NRBP1: variants seen among roughly 807,000 people sequenced by gnomAD.
The protein encoded by NRBP1 is nuclear receptor binding protein 1.
A neutral mutation model predicts 76.0 loss-of-function variants in NRBP1; 10 were observed. The ratio of observed to expected loss-of-function variants is 0.13; its 90% confidence interval spans 0.08 to 0.22. The LOEUF (loss-of-function observed/expected upper bound fraction) is 0.22, where lower values mean the gene tolerates loss of function less well. NRBP1 is among the 10% of genes least tolerant of loss of function. NRBP1 has a pLI of 1.00. For synonymous variants in NRBP1, 235 were observed against 240.2 expected (o/e 0.98, Z 0.20); for missense variants, 344 against 646.0 (o/e 0.53, Z 5.07).
chr2:27,441,431 C>A, intron 16 of NRBP1, 101 bp downstream of exon 16: 1 of 1,416,714 alleles, frequency 7.1e-7, no homozygotes. Context: ...AACACATTGA[C>A]TCACATAGAA....
chr2:27,441,198 G>T lies in NRBP1; in HGVS notation c.1383+18G>T. 6.2e-7 allele frequency: 1 copy of T among 1,614,068 alleles called. No individual in the cohort carries two copies. The highest frequency in any genetic ancestry group is 1.7e-4 in the Middle Eastern group (1 of 6,060). Reference sequence around the variant, plus strand: ...AACACCACGTAAGGCTCAGGGCTAGGGTTGCGCAGGGCTAGTAGCCAGAGG... The same window carrying T: ...AACACCACGTAAGGCTCAGGGCTAGTGTTGCGCAGGGCTAGTAGCCAGAGG... On this transcript the variant is annotated intron_variant, in intron 15 of 17. Transcript: ENST00000379852.
intron 8 of NRBP1, 35 bp from the exon 9 acceptor site, chr2:27,437,012 C>T (rs1664333313): frequency 1.3e-6 from 2 of 1,599,572 alleles, no homozygotes; most frequent in African/African-American, 1.3e-5. Context: ...GCCCCCAATC[C>T]TCTGATTAAC....
At chr2:27,435,669 C>A (rs1664276537) in intron 7 of NRBP1, 1 of 717,604 alleles carries the variant, frequency 1.4e-6, no homozygotes. Flanking sequence ...CCATCGCTCA[C>A]AACTTTTCTC....
chr2:27,434,407 A>C, intron 4 of NRBP1, 64 bp from the exon 5 acceptor site: 3 of 1,133,274 alleles, frequency 2.6e-6, no homozygotes, highest in South Asian at 1.3e-5. Context: ...AATTTAAAAT[A>C]TGTTAACAAG....
Position 27,433,917 on chromosome 2 carries a change from A to T in NRBP1, c.334-72A>T, listed in dbSNP as rs951995078. Reference sequence around the variant, plus strand: ...GGGGTTAGATCGTTTCTGGGGAGGGATAGGGAATGGCTTCTCAGGATTATT... The same window carrying T: ...GGGGTTAGATCGTTTCTGGGGAGGGTTAGGGAATGGCTTCTCAGGATTATT... On this transcript the variant is annotated intron_variant, in intron 3 of 17. Coordinates refer to ENST00000379852, the MANE Select transcript of NRBP1 (RefSeq NM_013392.4). The T allele has an allele frequency of 2.1e-5, 33 of 1,594,240 alleles. No individual in the cohort carries two copies. In the East Asian group the frequency reaches 7.4e-4, roughly 36 times the overall value.
At chr2:27,435,913 T>C in intron 7 of NRBP1, 1 of 646,768 alleles carries the variant, frequency 1.5e-6, no homozygotes, top group Non-Finnish European at 2.8e-6. Context: ...GCTTGCCCCT[T>C]CATAACCTGC....
chr2:27,437,391 A>G lies in NRBP1; in HGVS notation c.903+31A>G, dbSNP rs572979248. On this transcript the variant is annotated intron_variant, in intron 10 of 17. Transcript: ENST00000379852. ...GATCTTCAGGATCACTCCCTCCTCA[A>G]CTGACCTTCAAATGTCTTCTGGTTT... is the stretch of plus-strand genomic sequence containing the variant. 95 of 1,499,832 alleles carry G rather than the reference A, an allele frequency of 6.3e-5. 2 individuals are homozygous for G. In the South Asian group the frequency reaches 1.1e-3, roughly 17 times the overall value. The allele number at this position is 1,499,832 out of a possible 1,614,324, so 92.9% of individuals were successfully genotyped here.
rs190394426 is a variant in NRBP1 at position 27,441,347 on chromosome 2, C to A, written c.1447+17C>A. On this transcript the variant is annotated intron_variant, in intron 16 of 17. Coordinates refer to ENST00000379852, the MANE Select transcript of NRBP1 (RefSeq NM_013392.4). ...TGATGCCAAGTGAGTCTCTCCTTTC[C>A]CTCAGAGGATGGAGAGTCTATGAGC... The A allele has an allele frequency of 4.3e-4, 686 of 1,610,530 alleles. 5 individuals carry two copies. The East Asian group carries it at 0.011, about 27-fold the overall frequency.
Position 27,441,915 on chromosome 2 carries a change from T to A in NRBP1, c.*103T>A, listed in dbSNP as rs1664591531. ...GTCAGTATTACCCTGTGAAGCCCCT[T>A]CCCTCCTTTATTATTCAGGAGGGCT... On this transcript the variant is annotated 3_prime_UTR_variant, in exon 18 of 18. Coordinates refer to ENST00000379852, the MANE Select transcript of NRBP1 (RefSeq NM_013392.4). 5.5e-6 allele frequency: 4 copies of A among 721,236 alleles called. No homozygotes were observed. In the East Asian group the frequency reaches 9.9e-5, roughly 18 times the overall value. 44.7% of individuals were successfully genotyped at this position (721,236 alleles called of 1,614,324 possible). A position where few individuals can be genotyped will look rare whatever the true frequency, so the allele number is the denominator to read the frequency against.
At chr2:27,432,917 C>A (rs1178612874) in intron 1 of NRBP1, among the ~76,000 whole-genome samples, 1 of 151,848 alleles carries the variant, frequency 6.6e-6, no homozygotes, top group East Asian at 1.9e-4. Context: ...CTTGCTCTGT[C>A]ACCCAGGCTG....
In NRBP1 at chr2:27,433,391, G is replaced by C. The variant is rs781693165; in HGVS notation, c.118G>C (p.Ala40Pro). The change falls in exon 2 of 18, where the codon GCT (alanine) becomes CCT (proline). Residue 40 changes from alanine (A) to proline (P), a missense_variant. By Grantham distance (27) the Ala-to-Pro change is conservative. Coordinates refer to ENST00000379852, the MANE Select transcript of NRBP1 (RefSeq NM_013392.4). Reference sequence around the variant, plus strand: ...ACCTCCTGTGACCTCCACAACCTCAGCTGCTTCCCCAGAGGAAGAAGAAGA... The same window carrying C: ...ACCTCCTGTGACCTCCACAACCTCACCTGCTTCCCCAGAGGAAGAAGAAGA... The part of the protein sequence containing the change: ...VSPPVTSTTS[A>P]ASPEEEEESE... 6 of 1,614,102 alleles carry C rather than the reference G, an allele frequency of 3.7e-6. No individual in the cohort carries two copies. The highest frequency in any genetic ancestry group is 1.3e-5 in the African/African-American group (1 of 74,946).
chr2:27,434,428 AT>A, intron 4 of NRBP1, 42 bp from the exon 5 acceptor site: 1 of 1,297,546 alleles, frequency 7.7e-7, no homozygotes, highest in Admixed American at 1.9e-5. Context: ...GGAAGGGATC[AT>A]TTCTACTATA....
At chr2:27,439,670 G>A in intron 10 of NRBP1, 96 bp from the exon 11 acceptor site, 3 of 1,464,812 alleles carry the variant, frequency 2.0e-6, no homozygotes, top group Non-Finnish European at 2.8e-6. Context: ...CACCTACTAT[G>A]TACAAAGCCT....
Position 27,442,002 on chromosome 2 carries a change from CTTTG to C in NRBP1, c.*194_*197del, listed in dbSNP as rs1238646375. On this transcript the variant is annotated 3_prime_UTR_variant, in exon 18 of 18. Coordinates refer to ENST00000379852, the MANE Select transcript of NRBP1 (RefSeq NM_013392.4). ...CTCCCCTCTCTTCCTCCCCTCTGCA[CTTTG>C]TTTACTTGTTTTGCACAGACGTGGG... 1.2e-5 allele frequency: 7 copies of C among 578,422 alleles called. No homozygotes were observed. Among genetic ancestry groups the C allele is most frequent in the Non-Finnish European group, 2.1e-5 (7 of 327,240 alleles). 35.8% of individuals were successfully genotyped at this position (578,422 alleles called of 1,614,324 possible).
intron 14 of NRBP1, 33 bp downstream of exon 14, chr2:27,440,973 G>A: frequency 1.2e-6 from 2 of 1,612,482 alleles, no homozygotes; most frequent in Non-Finnish European, 1.7e-6. Context: ...TTGTCTCCAT[G>A]GTTGTGGTGG....
Position 27,433,027 on chromosome 2 carries a change from G to A in NRBP1, c.-20-227G>A, listed in dbSNP as rs186952957. Among the ~76,000 whole-genome samples, 461 of 152,094 alleles carry A rather than the reference G, an allele frequency of 3.0e-3. 1 individual carries two copies. The highest frequency in any genetic ancestry group is 5.3e-3 in the Non-Finnish European group (359 of 67,994). ...CCTGAGTAGCTAGGACTACAGGCAC[G>A]CGTCACCACACCCAGCTAATTTTGT... is the stretch of plus-strand genomic sequence containing the variant. On this transcript the variant is annotated intron_variant, in intron 1 of 17. Coordinates refer to ENST00000379852, the MANE Select transcript of NRBP1 (RefSeq NM_013392.4).
chr2:27,441,156 G>A lies in NRBP1; in HGVS notation c.1359G>A (p.Ser453=), dbSNP rs184042254. The part of the protein sequence containing the change: ...KVVLMQCNIE[S]VEEGVKHHLT... ...TGCTGATGCAGTGCAACATTGAGTCGGTGGAGGAGGGAGTCAAACACCACG... is the reference window on the plus strand; with the variant it reads ...TGCTGATGCAGTGCAACATTGAGTCAGTGGAGGAGGGAGTCAAACACCACG... Residue 453 remains serine, a synonymous_variant, in exon 15 of 18, where the codon TCG becomes TCA. Coordinates refer to ENST00000379852, the MANE Select transcript of NRBP1 (RefSeq NM_013392.4). 42 of 1,613,968 alleles carry A rather than the reference G, an allele frequency of 2.6e-5. No individual in the cohort carries two copies. Among genetic ancestry groups the A allele is most frequent in the Admixed American group, 1.8e-4 (11 of 60,024 alleles).
At chr2:27,437,712 A>G (rs986743025) in intron 10 of NRBP1, among the ~76,000 whole-genome samples, 5 of 151,842 alleles carry the variant, frequency 3.3e-5, no homozygotes, top group Non-Finnish European at 7.4e-5. Flanking sequence ...TCTACTAAAA[A>G]TACAAAAAAA....
chr2:27,431,656 A>G (rs1025184585), intron 1 of NRBP1: 8 of 152,220 alleles, frequency 5.3e-5, no homozygotes, highest in Admixed American at 4.6e-4. Flanking sequence ...TAGCCTCACC[A>G]TGGACTAGTG....
Sources: allele counts gnomAD v4.1 joint callset (sites outside exome capture counted in the v4.1 genomes callset), GRCh38; gene constraint gnomAD v4.1.1; transcripts MANE v1.5; gene names NCBI Gene and HGNC (gene_info 2026-07-23, HGNC 2026-07-21).